Variants in NOL11 observed in about 807,000 individuals in gnomAD.
NOL11 encodes the protein nucleolar protein 11.
A neutral mutation model predicts 93.0 loss-of-function variants in NOL11; 42 were observed. That is an observed-to-expected ratio of 0.45 (90% CI 0.35 to 0.58). The LOEUF is 0.58. Ranked by LOEUF, NOL11 falls within the 20% of genes least tolerant of loss-of-function variation. NOL11 has a pLI of 0.00. For missense variants in NOL11, 775 were observed against 841.8 expected, an observed-to-expected ratio of 0.92 and a Z score of 0.98; for synonymous variants, 296 against 293.7, an observed-to-expected ratio of 1.01 and a Z score of -0.08.
intron 7 of NOL11, among the ~76,000 whole-genome samples, chr17:67,729,372 G>C (rs1395023242): frequency 6.6e-6 from 1 of 151,954 alleles, no homozygotes; most frequent in Non-Finnish European, 1.5e-5. Flanking sequence ...ACCCACCTTG[G>C]CCTCCCAAAG....
At chr17:67,718,219 T>C in intron 1 of NOL11, 131 bp downstream of exon 1, 2 of 1,254,062 alleles carry the variant, frequency 1.6e-6, no homozygotes, top group Non-Finnish European at 2.2e-6. Context: ...CGGCTGGGCC[T>C]GTTGGGGACG....
At chr17:67,729,034 T>TA (rs2055125788) in intron 7 of NOL11, among the ~76,000 whole-genome samples, 1 of 152,144 alleles carries the variant, frequency 6.6e-6, no homozygotes, top group Admixed American at 6.5e-5. Flanking sequence ...GTAGAAGAAA[T>TA]TAAAGTGAAG....
chr17:67,724,566 A>G (rs542458517), intron 6 of NOL11, among the ~76,000 whole-genome samples: 1 of 152,130 alleles, frequency 6.6e-6, no homozygotes, highest in African/African-American at 2.4e-5. Context: ...TCCTGACCTC[A>G]GGTAATCCAC....
intron 3 of NOL11, 90 bp downstream of exon 3, chr17:67,720,052 C>A: frequency 8.2e-7 from 1 of 1,221,108 alleles, no homozygotes. Context: ...ATTTTAATAC[C>A]TCTGGGAAAA....
chr17:67,738,061 G>A lies in NOL11; in HGVS notation c.1530-61G>A, dbSNP rs141090866. On this transcript the variant is annotated intron_variant, in intron 13 of 17. Coordinates refer to ENST00000253247, the MANE Select transcript of NOL11 (RefSeq NM_015462.5). ...TCCAAAATTTTGATGCTTAGGAAAT[G>A]AAATTTTTCCCAAAAGCTTGGTGAT... The A allele has an allele frequency of 2.9e-4, 456 of 1,549,008 alleles. 1 individual carries two copies. The African/African-American group carries it at 5.7e-3, about 19-fold the overall frequency.
intron 3 of NOL11, 63 bp downstream of exon 3, chr17:67,720,025 T>C: frequency 2.8e-6 from 4 of 1,425,072 alleles, no homozygotes; most frequent in Non-Finnish European, 3.8e-6. Flanking sequence ...TCATTCATAA[T>C]AAAGTATGTG....
intron 9 of NOL11, 24 bp downstream of exon 9, chr17:67,736,047 T>G: frequency 6.3e-7 from 1 of 1,591,046 alleles, no homozygotes; most frequent in Non-Finnish European, 8.5e-7. Context: ...TCTGTTTGTT[T>G]TATTAATACA....
chr17:67,717,967 A>C lies in NOL11; in HGVS notation c.20A>C (p.Glu7Ala), dbSNP rs755285061. The C allele has an allele frequency of 6.2e-7, 1 of 1,614,202 alleles. No individual in the cohort carries two copies. The highest frequency in any genetic ancestry group is 8.5e-7 in the Non-Finnish European group (1 of 1,180,020). The change falls in exon 1 of 18, where the codon GAA becomes GCA. Residue 7 changes from glutamate to alanine, a missense_variant. By Grantham distance (107) the Glu-to-Ala change is moderately radical. Coordinates refer to ENST00000253247, the MANE Select transcript of NOL11 (RefSeq NM_015462.5). The stretch of plus-strand genomic sequence containing the variant: ...CTCAAAATGGCAGCGCTGGAGGAAG[A>C]ATTCACGTTGTCTTCGGTAGTCCTG... MAALEE[E>A]FTLSSVVLSA...
intron 4 of NOL11, 140 bp downstream of exon 4, chr17:67,721,666 A>G: frequency 5.8e-6 from 4 of 686,748 alleles, no homozygotes. Flanking sequence ...TGACTAAAAC[A>G]ACATCCTAAA....
At chr17:67,737,034 ATTG>A in intron 10 of NOL11, 34 bp from the exon 11 acceptor site, 11 of 1,296,980 alleles carry the variant, frequency 8.5e-6, no homozygotes, top group Non-Finnish European at 1.1e-5. Flanking sequence ...GATCTCTTAT[ATTG>A]TTTTGTGATC....
intron 5 of NOL11, 103 bp downstream of exon 5, chr17:67,722,740 A>C: frequency 7.1e-7 from 1 of 1,401,878 alleles, no homozygotes; most frequent in Non-Finnish European, 9.3e-7. Flanking sequence ...GCTTGAGAGC[A>C]GTGGTGCCAC....
intron 16 of NOL11, among the ~76,000 whole-genome samples, chr17:67,742,611 C>T (rs891427233): frequency 6.6e-6 from 1 of 152,140 alleles, no homozygotes; most frequent in African/African-American, 2.4e-5. Context: ...CCAGCTTTCC[C>T]TACTACATGG....
At chr17:67,723,910 C>T (rs1258973342) in intron 5 of NOL11, 139 bp from the exon 6 acceptor site, 7 of 596,524 alleles carry the variant, frequency 1.2e-5, no homozygotes, top group Non-Finnish European at 2.0e-5. Context: ...TGTCTCAAAA[C>T]AAACAAATTT....
chr17:67,736,562 C>G (rs560111606), intron 9 of NOL11, 104 bp from the exon 10 acceptor site: 1 of 701,670 alleles, frequency 1.4e-6, no homozygotes, highest in South Asian at 1.9e-5. Context: ...CAAAGCCTCT[C>G]TTAAATTGTA....
intron 7 of NOL11, among the ~76,000 whole-genome samples, chr17:67,732,298 A>G (rs530603458): frequency 5.3e-5 from 8 of 152,112 alleles, no homozygotes; most frequent in African/African-American, 1.7e-4. Flanking sequence ...CCTGACCAAC[A>G]TGGAGAAACC....
intron 16 of NOL11, among the ~76,000 whole-genome samples, chr17:67,742,447 ATGCAT>A (rs1490563121): frequency 6.6e-6 from 1 of 152,194 alleles, no homozygotes; most frequent in African/African-American, 2.4e-5. Context: ...TTTCTATCAA[ATGCAT>A]TGTAAGTTAT....
chr17:67,737,136 A>G lies in NOL11; in HGVS notation c.1209A>G (p.Ser403=). ...TTCCACCATCCAAACAACTTTTGTC[A>G]ACCATAATGGTAAATAAATAATATT... ...PEVPPSKQLL[S]TIMKDSEKHI... Residue 403 remains serine (S), a synonymous_variant, in exon 11 of 18, where the codon TCA becomes TCG. Transcript: ENST00000253247. 1 of 1,595,710 alleles carries G rather than the reference A, an allele frequency of 6.3e-7. No individual in the cohort carries two copies. The highest frequency in any genetic ancestry group is 1.1e-5 in the South Asian group (1 of 90,642).
chr17:67,722,234 T>G (rs2043222237), intron 4 of NOL11, among the ~76,000 whole-genome samples: 1 of 152,184 alleles, frequency 6.6e-6, no homozygotes, highest in Non-Finnish European at 1.5e-5. Flanking sequence ...TCCTCTATAT[T>G]GAGATCTTAA....
chr17:67,737,316 G>A (rs796221793), intron 11 of NOL11, among the ~76,000 whole-genome samples, 171 bp downstream of exon 11: 60 of 152,250 alleles, frequency 3.9e-4, no homozygotes, highest in African/African-American at 1.4e-3. Context: ...TTTGATGCTC[G>A]CTGTCACCTC....
Sources: allele counts gnomAD v4.1 joint callset (sites outside exome capture counted in the v4.1 genomes callset), GRCh38; gene constraint gnomAD v4.1.1; transcripts MANE v1.5; gene names NCBI Gene and HGNC (gene_info 2026-07-23, HGNC 2026-07-21).